DNAH3: variants seen among roughly 807,000 people sequenced by gnomAD.
DNAH3 encodes dynein axonemal heavy chain 3.
DNAH3 carries 332 observed loss-of-function variants against 432.5 expected under a neutral mutation model. That is an observed-to-expected ratio of 0.77 (90% CI 0.70 to 0.84). The LOEUF (loss-of-function observed/expected upper bound fraction) is 0.84, where lower values mean the gene tolerates loss of function less well. Ranked by LOEUF, DNAH3 falls within the 40% of genes least tolerant of loss-of-function variation. The pLI, the probability that DNAH3 is intolerant of heterozygous loss-of-function variation, is 0.00. For missense variants in DNAH3, 4,861 were observed against 5,114.0 expected, an observed-to-expected ratio of 0.95 and a Z score of 1.51; for synonymous variants, 1,956 against 1,900.2, an observed-to-expected ratio of 1.03 and a Z score of -0.76.
chr16:21,140,625 T>C (rs750766253), exon 5 of DNAH3: 5 of 1,614,192 alleles, frequency 3.1e-6, no homozygotes, highest in Admixed American at 1.7e-5. Context: ...TCTGGACTCA[T>C]TGGTCTGCTT....
At chr16:21,063,453 A>C (rs1228996598) in intron 24 of DNAH3, among the ~76,000 whole-genome samples, 1 of 151,118 alleles carries the variant, frequency 6.6e-6, no homozygotes. Context: ...AGAGGCCTCT[A>C]CCACCTTTTA....
At chr16:21,095,831 C>T (rs1023477089) in intron 18 of DNAH3, among the ~76,000 whole-genome samples, 1 of 152,170 alleles carries the variant, frequency 6.6e-6, no homozygotes, top group African/African-American at 2.4e-5. Flanking sequence ...GTAGTGCCAT[C>T]ACAGCTGATT....
chr16:21,112,395 G>A (rs2092096565), intron 12 of DNAH3, among the ~76,000 whole-genome samples: 1 of 152,128 alleles, frequency 6.6e-6, no homozygotes. Flanking sequence ...AGACTGGGAA[G>A]AAAAAGAGGT....
At chr16:21,012,190 C>T (rs1017526183) in intron 41 of DNAH3, among the ~76,000 whole-genome samples, 11 of 152,048 alleles carry the variant, frequency 7.2e-5, no homozygotes, top group African/African-American at 1.9e-4. Flanking sequence ...AAATGAAAAG[C>T]GCACCTCGAA....
At chr16:20,947,637 G>T (rs1341180111) in intron 57 of DNAH3, among the ~76,000 whole-genome samples, 2 of 152,170 alleles carry the variant, frequency 1.3e-5, no homozygotes, top group Admixed American at 1.3e-4. Flanking sequence ...GTGTGGGGAA[G>T]GGGTAACCTC....
chr16:20,997,576 C>G, intron 43 of DNAH3, 114 bp from the exon 44 acceptor site: 6 of 1,254,246 alleles, frequency 4.8e-6, no homozygotes, highest in Non-Finnish European at 4.4e-6. Flanking sequence ...GTTTCCATTC[C>G]CCATTCCAGT....
Position 21,040,358 on chromosome 16 carries a change from A to ATTTTTTTTTTTTT in DNAH3, c.4639-428_4639-416dup, listed in dbSNP as rs55797285. On this transcript the variant is annotated intron_variant, in intron 32 of 61. Transcript: ENST00000261383. Reference sequence around the variant, plus strand: ...TCAGAAGAATCCCAAAGCCAGACAGATTTTTTTTTTTTTTTTTTTTTTTTT... The same window carrying ATTTTTTTTTTTTT: ...TCAGAAGAATCCCAAAGCCAGACAGATTTTTTTTTTTTTTTTTTTTTTTTTTTTTTTTTTTTTT... 2.8e-4 allele frequency among the ~76,000 whole-genome samples: 22 copies of ATTTTTTTTTTTTT among 79,710 alleles called. 1 individual carries two copies. Among genetic ancestry groups the ATTTTTTTTTTTTT allele is most frequent in the African/African-American group, 5.1e-4 (9 of 17,726 alleles). 52.3% of individuals were successfully genotyped at this position (79,710 alleles called of 152,430 possible).
chr16:21,040,467 C>A (rs1451004225), intron 32 of DNAH3, among the ~76,000 whole-genome samples: 1 of 147,292 alleles, frequency 6.8e-6, no homozygotes, highest in Non-Finnish European at 1.5e-5. Context: ...CAGGTTCAAG[C>A]GATTCTCGTG....
At chr16:21,038,309 G>GT (rs1462123181) in intron 33 of DNAH3, among the ~76,000 whole-genome samples, 7 of 152,114 alleles carry the variant, frequency 4.6e-5, no homozygotes, top group Admixed American at 4.6e-4. Context: ...GAGGCCAGGA[G>GT]TCCAAGCCCA....
At chr16:21,093,133 TA>T (rs1398303589) in intron 18 of DNAH3, among the ~76,000 whole-genome samples, 7 of 152,156 alleles carry the variant, frequency 4.6e-5, no homozygotes, top group African/African-American at 1.7e-4. Context: ...CTGACAACAC[TA>T]AATGCTGGCA....
chr16:21,152,287 G>A (rs2092861089), intron 1 of DNAH3, among the ~76,000 whole-genome samples: 1 of 152,130 alleles, frequency 6.6e-6, no homozygotes, highest in African/African-American at 2.4e-5. Context: ...TTCCTAAGTC[G>A]ACTTGACTCA....
chr16:21,135,260 T>C (rs2092626325), intron 6 of DNAH3, among the ~76,000 whole-genome samples: 1 of 152,116 alleles, frequency 6.6e-6, no homozygotes, highest in South Asian at 2.1e-4. Flanking sequence ...CCAAAATAGA[T>C]GCACACAAAA....
intron 37 of DNAH3, among the ~76,000 whole-genome samples, chr16:21,028,205 T>C (rs887504621): frequency 1.3e-5 from 2 of 151,570 alleles, no homozygotes; most frequent in African/African-American, 4.9e-5. Flanking sequence ...TTCCATAATA[T>C]ATTTTTTAAA....
chr16:21,040,137 C>T (rs28548203), intron 32 of DNAH3, among the ~76,000 whole-genome samples, 194 bp from the exon 33 acceptor site: 36,246 of 151,916 alleles, frequency 0.24, 4,574 homozygotes, highest in Admixed American at 0.32. Flanking sequence ...CAACCAACCT[C>T]CCCACTGGCC....
chr16:20,934,005 GGC>G (rs1478958112), intron 61 of DNAH3, among the ~76,000 whole-genome samples: 4 of 152,096 alleles, frequency 2.6e-5, no homozygotes, highest in Non-Finnish European at 4.4e-5. Flanking sequence ...TGTAACAGTT[GGC>G]CCTGGTGAGC....
At chr16:20,974,339 C>CTTTGTTTTGT (rs138989216) in intron 51 of DNAH3, among the ~76,000 whole-genome samples, 1 of 151,902 alleles carries the variant, frequency 6.6e-6, no homozygotes, top group Non-Finnish European at 1.5e-5. Flanking sequence ...CCCCTGGCCA[C>CTTTGTTTTGT]TTTGTTTTGT....
At chr16:20,991,147 TCTGA>T (rs1216119257) in intron 44 of DNAH3, among the ~76,000 whole-genome samples, 1 of 152,226 alleles carries the variant, frequency 6.6e-6, no homozygotes, top group Admixed American at 6.5e-5. Context: ...TTATCACTCT[TCTGA>T]CTTTTATAGT....
At position 20,979,406 on chromosome 16, in the gene DNAH3, C is replaced by T. The variant is rs201786527; in HGVS notation, c.8000G>A (p.Ser2667Asn). ...CATCATAGCCACCTCTTGCCTCTTGCTATTCAGGAGCGTCTTGAAGGTTAG... is the reference window on the plus strand; with the variant it reads ...CATCATAGCCACCTCTTGCCTCTTGTTATTCAGGAGCGTCTTGAAGGTTAG... Residue 2667 changes from serine (S) to asparagine (N), a missense_variant, in exon 50 of 62, where the codon AGC (serine) becomes AAC (asparagine). By Grantham distance (46) the Ser-to-Asn change is conservative. Coordinates refer to ENST00000261383, the Ensembl canonical transcript of DNAH3. 1.2e-4 allele frequency: 192 copies of T among 1,614,164 alleles called. 2 individuals carry two copies. In the Middle Eastern group the frequency reaches 2.6e-3, roughly 22 times the overall value.
intron 43 of DNAH3, among the ~76,000 whole-genome samples, chr16:20,999,337 G>A (rs2086907311): frequency 6.6e-6 from 1 of 152,134 alleles, no homozygotes; most frequent in Admixed American, 6.6e-5. Context: ...AAATAGGGAG[G>A]GAGAGCAAGA....
Sources: allele counts gnomAD v4.1 joint callset (sites outside exome capture counted in the v4.1 genomes callset), GRCh38; gene constraint gnomAD v4.1.1; transcripts MANE v1.5; gene names NCBI Gene and HGNC (gene_info 2026-07-23, HGNC 2026-07-21).